Variants in DENND3 observed in about 807,000 individuals in gnomAD.
The protein encoded by DENND3 is DENN domain-containing protein 3.
DENND3 carries 88 observed loss-of-function variants against 135.1 expected under a neutral mutation model. The ratio of observed to expected loss-of-function variants is 0.65; its 90% CI spans 0.55 to 0.78. The LOEUF (loss-of-function observed/expected upper bound fraction) is 0.78. Ranked by LOEUF, DENND3 falls within the 30% of genes least tolerant of loss-of-function variation. DENND3 has a pLI of 0.00. For synonymous variants in DENND3, 693 were observed against 712.3 expected (o/e 0.97, Z 0.43); for missense variants, 1,392 against 1,688.4 (o/e 0.82, Z 3.08).
chr8:141,174,109 AGTGTGTGT>A lies in DENND3; in HGVS notation c.2276-1087_2276-1080del, dbSNP rs1253169433. Among the ~76,000 whole-genome samples the A allele has an allele frequency of 6.6e-6, 1 of 151,604 alleles. No individual in the cohort carries two copies. Among genetic ancestry groups the A allele is most frequent in the Non-Finnish European group, 1.5e-5 (1 of 67,892 alleles). On this transcript the variant is annotated intron_variant, in intron 13 of 22. Transcript: ENST00000519811. The surrounding 1 kb of genome is among the most constrained non-coding windows in gnomAD (Gnocchi z 4.6). Reference sequence around the variant, plus strand: ...TTTCCTGGTGTGAGCAGGCAGGATGAGTGTGTGTGTGCGTGTAACAACACGACCTGTTT... The same window carrying A: ...TTTCCTGGTGTGAGCAGGCAGGATGAGTGCGTGTAACAACACGACCTGTTT...
intron 7 of DENND3, among the ~76,000 whole-genome samples, chr8:141,153,374 G>A (rs1162584395): frequency 1.3e-5 from 2 of 152,160 alleles, no homozygotes; most frequent in Non-Finnish European, 2.9e-5. Context: ...GATTACAGGC[G>A]TGAGCCACCA....
intron 5 of DENND3, among the ~76,000 whole-genome samples, chr8:141,145,670 A>T (rs1050617599): frequency 6.6e-6 from 1 of 151,834 alleles, no homozygotes; most frequent in Non-Finnish European, 1.5e-5. Flanking sequence ...ATGTCGTGGC[A>T]CTTCAGTGGT....
rs758937755 is a variant in DENND3, at chr8:141,176,699, G to C, written c.2644G>C (p.Asp882His). The C allele has an allele frequency of 7.4e-6, 12 of 1,614,244 alleles. No individual in the cohort carries two copies. In the East Asian group the frequency reaches 2.5e-4, roughly 33 times the overall value. Residue 882 changes from aspartate to histidine, a missense_variant, in exon 15 of 23, where the codon GAC (aspartate) becomes CAC (histidine). Asp to His is a moderately conservative substitution (Grantham distance 81, BLOSUM62 -1). Coordinates refer to ENST00000519811, the MANE Select transcript of DENND3 (RefSeq NM_001352890.3). The stretch of plus-strand genomic sequence containing the variant: ...CGAAGCCAACCTGAAAACCGAGTGT[G>C]ACCTTTGGCACCTGATGGTGAAGGA... The part of the protein sequence containing the change: ...VFEANLKTEC[D>H]LWHLMVKEMW...
Position 141,151,920 on chromosome 8 carries a change from G to A in DENND3, c.1074+83G>A, listed in dbSNP as rs558871933. 3.0e-5 allele frequency: 46 copies of A among 1,530,094 alleles called. No homozygotes were observed. The East Asian group carries it at 1.0e-3, about 34-fold the overall frequency. 94.8% of individuals were successfully genotyped at this position (1,530,094 alleles called of 1,614,324 possible). A position where few individuals can be genotyped will look rare whatever the true frequency, so the allele number is the denominator to read the frequency against. On this transcript the variant is annotated intron_variant, in intron 7 of 22. Coordinates refer to ENST00000519811, the MANE Select transcript of DENND3 (RefSeq NM_001352890.3). ...CACATGGGAAGATGCGTCTGAAAGT[G>A]CTCCGCGGTGAAGGCGGGGTCTGTG...
chr8:141,161,636 CCTT>C (rs1202901931), intron 9 of DENND3, among the ~76,000 whole-genome samples: 10 of 152,222 alleles, frequency 6.6e-5, no homozygotes, highest in Middle Eastern at 3.2e-3. Context: ...TTCTTCCTCT[CCTT>C]CTTGCTGGTT....
chr8:141,151,890 G>A (rs1019861486), intron 7 of DENND3, 53 bp downstream of exon 7: 19 of 1,589,798 alleles, frequency 1.2e-5, no homozygotes, highest in African/African-American at 4.0e-5. Context: ...AGTCCATCAC[G>A]GGGACACATG....
intron 16 of DENND3, among the ~76,000 whole-genome samples, chr8:141,179,658 G>A (rs895616430): frequency 5.9e-5 from 9 of 152,354 alleles, no homozygotes; most frequent in East Asian, 1.9e-4. Flanking sequence ...GGCGTTGGCC[G>A]CGGCCAGTTG....
At chr8:141,147,041 C>T (rs1446299991) in intron 5 of DENND3, among the ~76,000 whole-genome samples, 1 of 152,162 alleles carries the variant, frequency 6.6e-6, no homozygotes, top group African/African-American at 2.4e-5. Flanking sequence ...TCTCCTGGCC[C>T]GATGACTCTC....
At position 141,183,000 on chromosome 8, in the gene DENND3, C is replaced by T. The variant is rs1309215362; in HGVS notation, c.2945-2139C>T. On this transcript the variant is annotated intron_variant, in intron 17 of 22. Coordinates refer to ENST00000519811, the MANE Select transcript of DENND3 (RefSeq NM_001352890.3). This position sits in a 1 kb window ranked among gnomAD's most constrained non-coding sequence, Gnocchi z 5.9. ...GAGGCAGCACTGCAGGGCGGGGGGT[C>T]GCTTGAATATCCTCAGGGGAAAGGT... Among the ~76,000 whole-genome samples, 2 of 152,168 alleles carry T rather than the reference C, an allele frequency of 1.3e-5. No homozygotes were observed. Among genetic ancestry groups the T allele is most frequent in the East Asian group, 1.9e-4 (1 of 5,186 alleles).
In DENND3 at chr8:141,192,685, C is replaced by T. The variant is rs1248555647; in HGVS notation, c.3636+22C>T. On this transcript the variant is annotated intron_variant, in intron 22 of 22. Coordinates refer to ENST00000519811, the MANE Select transcript of DENND3 (RefSeq NM_001352890.3). The stretch of plus-strand genomic sequence containing the variant: ...GCAGGTAGGGTGGAGGGCCCGCCAT[C>T]CCCAGCATCCCCGGCAGGTCTCGCT... 6.2e-6 allele frequency: 10 copies of T among 1,605,212 alleles called. No homozygotes were observed. In the Admixed American group the frequency reaches 8.4e-5, roughly 13 times the overall value.
rs924324156 is a variant in DENND3, at chr8:141,138,635, C to G, written c.501+498C>G. Among the ~76,000 whole-genome samples the G allele has an allele frequency of 1.3e-5, 2 of 152,182 alleles. No individual in the cohort carries two copies. The highest frequency in any genetic ancestry group is 6.5e-5 in the Admixed American group (1 of 15,274). On this transcript the variant is annotated intron_variant, in intron 3 of 22. Coordinates refer to ENST00000519811, the MANE Select transcript of DENND3 (RefSeq NM_001352890.3). The surrounding 1 kb of genome is among the most constrained non-coding windows in gnomAD (Gnocchi z 4.8). ...TCCTGACCTCAGGTGATCCACCCGC[C>G]TCAGCCTCCCAAAGTGCTGGGATTA...
chr8:141,135,233 C>T (rs1816659682), intron 1 of DENND3, among the ~76,000 whole-genome samples: 1 of 151,696 alleles, frequency 6.6e-6, no homozygotes, highest in Non-Finnish European at 1.5e-5. Flanking sequence ...CTCACTGCAG[C>T]CTCAACCTCC....
At chr8:141,184,152 AG>A (rs1823575446) in intron 17 of DENND3, among the ~76,000 whole-genome samples, 1 of 152,204 alleles carries the variant, frequency 6.6e-6, no homozygotes, top group African/African-American at 2.4e-5. Context: ...CACTTTTGAG[AG>A]GGTGAAAATG....
intron 11 of DENND3, among the ~76,000 whole-genome samples, chr8:141,165,943 C>A (rs2154613158): frequency 6.6e-6 from 1 of 152,266 alleles, no homozygotes; most frequent in East Asian, 1.9e-4. Context: ...CCTGAGCCCC[C>A]TCCAACATGT....
chr8:141,168,038 C>A lies in DENND3; in HGVS notation c.1788C>A (p.Phe596Leu). ...TCACGCCGAAGTCCCCGTATACATT[C>A]AAGATTCCCGAAATCCACTTTCCGC... Reference protein sequence around the residue: ...LNVTPKSPYTFKIPEIHFPLE... With the variant: ...LNVTPKSPYTLKIPEIHFPLE... Residue 596 changes from phenylalanine to leucine, a missense_variant, in exon 13 of 23, where the codon TTC (phenylalanine) becomes TTA (leucine). Phe to Leu is a conservative substitution (Grantham distance 22). Coordinates refer to ENST00000519811, the MANE Select transcript of DENND3 (RefSeq NM_001352890.3). This position sits in a 1 kb window ranked among gnomAD's most constrained non-coding sequence, Gnocchi z 6.2. The A allele has an allele frequency of 6.2e-7, 1 of 1,613,658 alleles. No individual in the cohort carries two copies. The highest frequency in any genetic ancestry group is 8.5e-7 in the Non-Finnish European group (1 of 1,179,754).
In DENND3 at chr8:141,180,809, G is replaced by C. The variant is rs1213327279; in HGVS notation, c.2899G>C (p.Gly967Arg). The change falls in exon 17 of 23, where the codon GGG (glycine) becomes CGG (arginine). Residue 967 changes from glycine to arginine, a missense_variant. Coordinates refer to ENST00000519811, the MANE Select transcript of DENND3 (RefSeq NM_001352890.3). ...GAAGCATAAAATCAACCCCTCGGCG[G>C]GGGAGGCGTTCCCACAAGCGGTGGA... ...TLKHKINPSA[G>R]EAFPQAVDVL... 6.8e-6 allele frequency: 11 copies of C among 1,613,334 alleles called. No homozygotes were observed. Among genetic ancestry groups the C allele is most frequent in the Non-Finnish European group, 9.3e-6 (11 of 1,179,658 alleles).
intron 22 of DENND3, chr8:141,193,025 C>T (rs887937753): frequency 1.7e-5 from 11 of 649,902 alleles, no homozygotes; most frequent in African/African-American, 3.8e-5. Flanking sequence ...CTCTCCCCCA[C>T]CCGCTCATGT....
chr8:141,193,956 T>C, intron 22 of DENND3, 77 bp from the exon 23 acceptor site: 1 of 1,501,762 alleles, frequency 6.7e-7, no homozygotes, highest in Non-Finnish European at 9.1e-7. Context: ...GCGTCAATTC[T>C]GGGTAGCCGG....
At chr8:141,158,146 G>T (rs553498983) in intron 8 of DENND3, 2 of 1,288,700 alleles carry the variant, frequency 1.6e-6, no homozygotes, top group Admixed American at 2.3e-5. Context: ...AGGCAAGGCT[G>T]GTTTCTGCTT....
Sources: allele counts gnomAD v4.1 joint callset (sites outside exome capture counted in the v4.1 genomes callset), GRCh38; gene constraint gnomAD v4.1.1; non-coding constraint Gnocchi (gnomAD v3.1); transcripts MANE v1.5; gene names NCBI Gene and HGNC (gene_info 2026-07-23, HGNC 2026-07-21).